The following PTPRD variants were observed in gnomAD, a reference collection of about 807,000 sequenced individuals.
PTPRD encodes protein tyrosine phosphatase receptor type D, also known as receptor-type tyrosine-protein phosphatase delta.
PTPRD carries 34 observed loss-of-function variants against 214.5 expected under a neutral mutation model. That is an observed-to-expected ratio of 0.16 (90% CI 0.12 to 0.21). The LOEUF (loss-of-function observed/expected upper bound fraction) is 0.21, where lower values mean the gene tolerates loss of function less well. Ranked by LOEUF, PTPRD falls within the 10% of genes least tolerant of loss-of-function variation. The probability of loss-of-function intolerance (pLI) is 1.00; values close to 1 mark genes in which losing one functional copy is unlikely to be tolerated. For synonymous variants in PTPRD, 1,128 were observed against 845.7 expected (o/e 1.33, Z -5.79); for missense variants, 2,545 against 2,398.7 (o/e 1.06, Z -1.27).
intron 2 of PTPRD, among the ~76,000 whole-genome samples, chr9:10,509,809 G>A (rs2047395218): frequency 1.3e-5 from 2 of 151,366 alleles, no homozygotes; most frequent in African/African-American, 4.9e-5. Flanking sequence ...ATTAGGATAT[G>A]GAGCTAAGAT....
chr9:10,559,773 G>T (rs2063446126), intron 2 of PTPRD, among the ~76,000 whole-genome samples: 2 of 152,042 alleles, frequency 1.3e-5, no homozygotes, highest in South Asian at 4.1e-4. Context: ...CTTCTCAAAA[G>T]AAGACATTTA....
chr9:8,622,830 C>T (rs1246565259), intron 14 of PTPRD, among the ~76,000 whole-genome samples: 1 of 151,884 alleles, frequency 6.6e-6, no homozygotes, highest in Non-Finnish European at 1.5e-5. Context: ...TAAAACTTGT[C>T]ATTCATTCAT....
At position 9,321,556 on chromosome 9, in the gene PTPRD, G is replaced by GGAAAAA. The variant is rs1555226202; in HGVS notation, c.-203+75892_-203+75893insTTTTTC. Among the ~76,000 whole-genome samples, 30 of 138,508 alleles carry GGAAAAA rather than the reference G, an allele frequency of 2.2e-4. 1 individual carries two copies. The highest frequency in any genetic ancestry group is 8.1e-4 in the African/African-American group (30 of 37,188). 90.9% of individuals were successfully genotyped at this position (138,508 alleles called of 152,430 possible). ...GGCAACAAGAGCAAAACTCCACTGA[G>GGAAAAA]AAAAAAAAAAGGACTCTGTTTTTGT... is the stretch of plus-strand genomic sequence containing the variant. On this transcript the variant is annotated intron_variant, in intron 9 of 45. Coordinates refer to ENST00000381196, the MANE Select transcript of PTPRD (RefSeq NM_002839.4).
At chr9:8,889,684 C>A (rs2154237310) in intron 11 of PTPRD, among the ~76,000 whole-genome samples, 1 of 147,716 alleles carries the variant, frequency 6.8e-6, no homozygotes, top group African/African-American at 2.5e-5. Context: ...CATAGCTTAG[C>A]TCCTACTTAA....
chr9:10,388,467 A>C (rs2097971689), intron 2 of PTPRD, among the ~76,000 whole-genome samples: 1 of 120,334 alleles, frequency 8.3e-6, no homozygotes, highest in African/African-American at 3.2e-5. Context: ...TGAATGTCTA[A>C]ATGGATAATT....
intron 2 of PTPRD, among the ~76,000 whole-genome samples, chr9:10,533,968 A>T: frequency 6.6e-6 from 1 of 151,198 alleles, no homozygotes; most frequent in Non-Finnish European, 1.5e-5. Flanking sequence ...ATTTTTTTCT[A>T]AGGGAATATT....
chr9:10,283,016 T>G (rs1565010021), intron 3 of PTPRD, among the ~76,000 whole-genome samples: 2 of 152,086 alleles, frequency 1.3e-5, no homozygotes, highest in African/African-American at 4.8e-5. Context: ...TGATTTTCAT[T>G]TCTGTTAAGA....
intron 9 of PTPRD, among the ~76,000 whole-genome samples, chr9:9,232,784 G>A (rs117923884): frequency 1.7e-3 from 253 of 152,230 alleles, no homozygotes; most frequent in South Asian, 3.9e-3. Context: ...ACATTGGAAA[G>A]CCTCAGAAGT....
intron 5 of PTPRD, among the ~76,000 whole-genome samples, chr9:9,834,786 T>G (rs1049105387): frequency 6.6e-6 from 1 of 152,056 alleles, no homozygotes; most frequent in Non-Finnish European, 1.5e-5. Context: ...TTTGGGTTAG[T>G]GAAGATAGCT....
chr9:8,981,063 G>A (rs1217532575), intron 11 of PTPRD, among the ~76,000 whole-genome samples: 1 of 151,974 alleles, frequency 6.6e-6, no homozygotes, highest in African/African-American at 2.4e-5. Context: ...CCGGCACCTC[G>A]CTAACGGAAT....
At chr9:8,610,428 T>C (rs1361457082) in intron 14 of PTPRD, among the ~76,000 whole-genome samples, 1 of 152,186 alleles carries the variant, frequency 6.6e-6, no homozygotes. Flanking sequence ...GATTCTGGGA[T>C]GGGATCCTAG....
intron 14 of PTPRD, among the ~76,000 whole-genome samples, chr9:8,582,273 C>T (rs1246851281): frequency 6.6e-6 from 1 of 152,086 alleles, no homozygotes; most frequent in Non-Finnish European, 1.5e-5. Flanking sequence ...CAGAAAAATC[C>T]ATTTCAGATG....
chr9:9,565,273 AG>A (rs2154295812), intron 8 of PTPRD, among the ~76,000 whole-genome samples: 1 of 152,022 alleles, frequency 6.6e-6, no homozygotes, highest in South Asian at 2.1e-4. Context: ...TGTTTTGATT[AG>A]GAATTTTCTG....
chr9:9,337,588 AC>A (rs1258966355), intron 9 of PTPRD, among the ~76,000 whole-genome samples: 2 of 152,162 alleles, frequency 1.3e-5, no homozygotes, highest in Non-Finnish European at 2.9e-5. Flanking sequence ...ATATGAATCT[AC>A]CTTTAAGTGA....
rs749558749 is a variant in PTPRD at position 8,486,057 on chromosome 9, T to A, written c.2760A>T (p.Gly920=). ...CTTCTGAGTGAAGGTTTTGAGGGAA[T>A]CCAGTTGGTACTTCTTCTGGAATGG... is the stretch of plus-strand genomic sequence containing the variant. ...EISIPEEVPT[G]FPQNLHSEGT... The change falls in exon 28 of 46, where the codon GGA becomes GGT. Residue 920 remains glycine (G), a synonymous_variant. Coordinates refer to ENST00000381196, the MANE Select transcript of PTPRD (RefSeq NM_002839.4). The A allele has an allele frequency of 1.2e-6, 2 of 1,614,056 alleles. No homozygotes were observed. Among genetic ancestry groups the A allele is most frequent in the Non-Finnish European group, 8.5e-7 (1 of 1,179,972 alleles).
intron 5 of PTPRD, among the ~76,000 whole-genome samples, chr9:9,849,073 T>G (rs1224711029): frequency 6.6e-6 from 1 of 151,788 alleles, no homozygotes; most frequent in Non-Finnish European, 1.5e-5. Flanking sequence ...ACACCCTGTT[T>G]TACCCTATGT....
intron 3 of PTPRD, among the ~76,000 whole-genome samples, chr9:10,251,521 T>C (rs766406617): frequency 1.6e-4 from 25 of 152,168 alleles, no homozygotes; most frequent in East Asian, 3.8e-4. Context: ...TGTTTTCTAA[T>C]CTTCACAATG....
At chr9:9,865,505 C>CA (rs1355368420) in intron 5 of PTPRD, among the ~76,000 whole-genome samples, 2 of 152,170 alleles carry the variant, frequency 1.3e-5, no homozygotes, top group Admixed American at 6.5e-5. Flanking sequence ...ACAGTGTCCC[C>CA]ACAAGCAAGA....
At chr9:10,178,541 A>G (rs145870162) in intron 3 of PTPRD, among the ~76,000 whole-genome samples, 149 of 152,148 alleles carry the variant, frequency 9.8e-4, no homozygotes, top group African/African-American at 3.3e-3. Context: ...TTGAGGAAAT[A>G]CGGATTTCAA....
Sources: gnomAD v4.1 joint callset for allele counts (sites outside exome capture counted in the v4.1 genomes callset) on GRCh38, gnomAD v4.1.1 for gene constraint, MANE v1.5 for transcripts, NCBI Gene and HGNC (gene_info 2026-07-23, HGNC 2026-07-21) for gene names.